Variants in DLGAP2 observed in about 807,000 individuals in gnomAD.
DLGAP2 encodes DLG associated protein 2.
Under a neutral mutation model 100.3 loss-of-function variants are expected in DLGAP2, and 26 were observed. That is an observed-to-expected ratio of 0.26 (90% CI 0.19 to 0.36). DLGAP2 has a LOEUF of 0.36. Among genes scored for constraint, DLGAP2 ranks in the 10% least tolerant of loss-of-function variants. DLGAP2 has a pLI of 1.00. For synonymous variants in DLGAP2, 886 were observed against 630.1 expected, an observed-to-expected ratio of 1.41 and a Z score of -6.08; for missense variants, 1,858 against 1,453.2, an observed-to-expected ratio of 1.28 and a Z score of -4.53.
intron 2 of DLGAP2, among the ~76,000 whole-genome samples, chr8:1,194,204 C>G (rs1797701936): frequency 6.6e-6 from 1 of 152,088 alleles, no homozygotes; most frequent in Admixed American, 6.5e-5. Flanking sequence ...GGAGGCCACG[C>G]CTTGTTCTCA....
At chr8:762,113 T>A (rs1821103475) in intron 1 of DLGAP2, among the ~76,000 whole-genome samples, 1 of 152,218 alleles carries the variant, frequency 6.6e-6, no homozygotes, top group East Asian at 1.9e-4. Context: ...TGTGTGTCTC[T>A]TTGTGAGCAA....
At chr8:1,563,410 G>T (rs1802256451) in intron 5 of DLGAP2, among the ~76,000 whole-genome samples, 1 of 74,394 alleles carries the variant, frequency 1.3e-5, no homozygotes, top group Non-Finnish European at 2.7e-5. Flanking sequence ...GTTACTGGGG[G>T]GCTGTGTGGT....
At chr8:742,007 A>C (rs1820499726) in intron 1 of DLGAP2, among the ~76,000 whole-genome samples, 1 of 152,188 alleles carries the variant, frequency 6.6e-6, no homozygotes, top group African/African-American at 2.4e-5. Context: ...CTTGGTCCTG[A>C]GGATGCTGTT....
intron 2 of DLGAP2, among the ~76,000 whole-genome samples, chr8:1,041,328 CT>C (rs1802340744): frequency 6.6e-6 from 1 of 151,992 alleles, no homozygotes; most frequent in East Asian, 1.9e-4. Flanking sequence ...TACTCTCAGC[CT>C]TTTTCTTTGG....
chr8:1,343,750 G>A (rs546065994), intron 3 of DLGAP2, among the ~76,000 whole-genome samples: 18 of 152,144 alleles, frequency 1.2e-4, no homozygotes, highest in African/African-American at 2.9e-4. Context: ...ACAGTGGAAC[G>A]GAGGCCTCTC....
At chr8:1,209,097 A>G (rs1798053095) in intron 2 of DLGAP2, among the ~76,000 whole-genome samples, 1 of 152,138 alleles carries the variant, frequency 6.6e-6, no homozygotes, top group African/African-American at 2.4e-5. Flanking sequence ...GATAAATTCA[A>G]TATCATTCCT....
In DLGAP2 at chr8:1,328,708, G is replaced by C. The variant is rs149833903; in HGVS notation, c.106+69825G>C. ...CATTATTCATTCTTTTTAAAAACTCGTAGTAAAGACAGAACAACAACCACA... is the reference window on the plus strand; with the variant it reads ...CATTATTCATTCTTTTTAAAAACTCCTAGTAAAGACAGAACAACAACCACA... On this transcript the variant is annotated intron_variant, in intron 3 of 14. Transcript: ENST00000637795. Among the ~76,000 whole-genome samples the C allele has an allele frequency of 1.3e-5, 2 of 152,110 alleles. 1 individual carries two copies. The highest frequency in any genetic ancestry group is 4.1e-4 in the South Asian group (2 of 4,824).
intron 2 of DLGAP2, among the ~76,000 whole-genome samples, chr8:983,915 C>T (rs1011037958): frequency 3.9e-5 from 6 of 152,152 alleles, no homozygotes; most frequent in African/African-American, 1.4e-4. Flanking sequence ...GCTGGGAGTG[C>T]AGATGTGAGC....
At chr8:1,327,263 A>T (rs146609702) in intron 3 of DLGAP2, among the ~76,000 whole-genome samples, 1 of 152,232 alleles carries the variant, frequency 6.6e-6, no homozygotes, top group Non-Finnish European at 1.5e-5. Flanking sequence ...TCCCTTGGCC[A>T]AGGCGGATGT....
chr8:1,215,241 TA>T (rs925700821), intron 2 of DLGAP2, among the ~76,000 whole-genome samples: 2 of 152,206 alleles, frequency 1.3e-5, no homozygotes, highest in Non-Finnish European at 2.9e-5. Context: ...AATTTGTGAG[TA>T]GGAGAAGAGA....
intron 2 of DLGAP2, among the ~76,000 whole-genome samples, chr8:1,011,685 G>C (rs1375774179): frequency 1.3e-4 from 9 of 71,020 alleles, no homozygotes; most frequent in East Asian, 9.5e-4. Context: ...TCAGTCTATA[G>C]AGTGAGCCCT....
intron 3 of DLGAP2, among the ~76,000 whole-genome samples, chr8:1,282,909 C>T (rs1799845438): frequency 7.4e-6 from 1 of 135,810 alleles, no homozygotes. Context: ...GTGACCTGAA[C>T]CCAGCACGTG....
intron 10 of DLGAP2, among the ~76,000 whole-genome samples, chr8:1,675,149 T>TGTC (rs1798782223): frequency 6.6e-6 from 1 of 152,240 alleles, no homozygotes; most frequent in South Asian, 2.1e-4. Flanking sequence ...CTTCTGCGCC[T>TGTC]GTCTTCAGAA....
intron 2 of DLGAP2, among the ~76,000 whole-genome samples, chr8:1,049,867 TAC>T (rs1264695164): frequency 2.2e-5 from 3 of 135,932 alleles, no homozygotes; most frequent in Non-Finnish European, 5.0e-5. Context: ...CACACGCATT[TAC>T]AGTCACACAC....
intron 8 of DLGAP2, among the ~76,000 whole-genome samples, chr8:1,665,611 A>G (rs951985763): frequency 2.6e-5 from 4 of 152,142 alleles, no homozygotes; most frequent in Non-Finnish European, 5.9e-5. Flanking sequence ...TACTACCCCT[A>G]TTGCTGGGAC....
intron 2 of DLGAP2, among the ~76,000 whole-genome samples, chr8:1,038,617 A>T (rs1226094580): frequency 6.6e-6 from 1 of 152,242 alleles, no homozygotes; most frequent in Non-Finnish European, 1.5e-5. Context: ...GGATAAATTG[A>T]AAGCCCTCTT....
At chr8:1,077,001 G>A (rs1395785182) in intron 2 of DLGAP2, among the ~76,000 whole-genome samples, 1 of 146,090 alleles carries the variant, frequency 6.8e-6, no homozygotes, top group Non-Finnish European at 1.5e-5. Flanking sequence ...CCAAGACCAA[G>A]AGGGTGGAGG....
chr8:1,645,338 A>G (rs955430185), intron 8 of DLGAP2, among the ~76,000 whole-genome samples: 2 of 152,244 alleles, frequency 1.3e-5, no homozygotes, highest in African/African-American at 4.8e-5. Context: ...TAGTCAACAC[A>G]TTATAAAACA....
intron 9 of DLGAP2, among the ~76,000 whole-genome samples, chr8:1,668,987 G>C (rs529309210): frequency 6.6e-6 from 1 of 152,330 alleles, no homozygotes; most frequent in East Asian, 1.9e-4. Flanking sequence ...GCCAAAGGCT[G>C]CCTAGAGAGT....
Sources: gnomAD v4.1 joint callset for allele counts (sites outside exome capture counted in the v4.1 genomes callset) on GRCh38, gnomAD v4.1.1 for gene constraint, MANE v1.5 for transcripts, NCBI Gene and HGNC (gene_info 2026-07-23, HGNC 2026-07-21) for gene names.